The following LRP2 variants were observed in gnomAD, a reference collection of about 807,000 sequenced individuals.
The protein encoded by LRP2 is low-density lipoprotein receptor-related protein 2.
In LRP2, 172 loss-of-function variants were observed where a neutral mutation model predicts 531.0. That is an observed-to-expected ratio of 0.32 (90% CI 0.29 to 0.37). The LOEUF is 0.37. LRP2 is among the 10% of genes least tolerant of loss of function. LRP2 has a pLI of 1.00. For synonymous variants in LRP2, 1,992 were observed against 2,027.6 expected, an observed-to-expected ratio of 0.98 and a Z score of 0.47; for missense variants, 5,167 against 5,868.3, an observed-to-expected ratio of 0.88 and a Z score of 3.90.
chr2:169,213,691 T>C lies in LRP2; in HGVS notation c.6006A>G (p.Pro2002=). ...GATAAACTTGAAGACCCCTCAGATT[T>C]GGAACATTATCTCTCAAGACTATTT... ...ANKIVLRDNV[P]NLRGLQVYHR... is the part of the protein sequence containing the mutation. Residue 2002 remains proline, a synonymous_variant, in exon 36 of 79, where the codon CCA becomes CCG. Transcript: ENST00000649046. 2 of 1,613,526 alleles carry C rather than the reference T, an allele frequency of 1.2e-6. No individual in the cohort carries two copies. Among genetic ancestry groups the C allele is most frequent in the Non-Finnish European group, 1.7e-6 (2 of 1,179,808 alleles).
intron 19 of LRP2, among the ~76,000 whole-genome samples, chr2:169,255,097 T>C (rs1690250838): frequency 6.6e-6 from 1 of 152,162 alleles, no homozygotes; most frequent in Non-Finnish European, 1.5e-5. Flanking sequence ...TCTAGTCTTT[T>C]CAAGCACTGT....
intron 6 of LRP2, among the ~76,000 whole-genome samples, chr2:169,292,872 G>A (rs1447032822): frequency 6.6e-6 from 1 of 150,760 alleles, no homozygotes; most frequent in East Asian, 1.9e-4. Context: ...AAAACAAGAT[G>A]GTTTGCAATG....
At chr2:169,287,561 C>A (rs1683890925) in intron 9 of LRP2, among the ~76,000 whole-genome samples, 1 of 151,968 alleles carries the variant, frequency 6.6e-6, no homozygotes. Flanking sequence ...CAGACTTTCT[C>A]AAGAATTTCA....
In LRP2 at chr2:169,259,162, A is replaced by G. The variant is rs33954745; in HGVS notation, c.2376T>C (p.Asp792=). ...RVENVESLAF[D]WISKNLYWTD... Reference sequence around the variant, plus strand: ...TCCAATAGAGATTCTTTGAAATCCAATCAAAAGCCAAACTTTCAACATTTT... The same window carrying G: ...TCCAATAGAGATTCTTTGAAATCCAGTCAAAAGCCAAACTTTCAACATTTT... The change falls in exon 17 of 79, where the codon GAT becomes GAC. Residue 792 remains aspartate (D), a synonymous_variant. Transcript: ENST00000649046. 0.077 allele frequency: 124,099 copies of G among 1,613,034 alleles called. 5,266 individuals are homozygous for G. The highest frequency in any genetic ancestry group is 0.14 in the African/African-American group (10,120 of 74,934).
At chr2:169,183,697 A>G (rs1687522515) in intron 50 of LRP2, among the ~76,000 whole-genome samples, 1 of 152,230 alleles carries the variant, frequency 6.6e-6, no homozygotes, top group African/African-American at 2.4e-5. Flanking sequence ...TGGAGAAGAT[A>G]TTCCGTCTCC....
chr2:169,271,567 A>C (rs1683414506), intron 15 of LRP2: 1 of 198,436 alleles, frequency 5.0e-6, no homozygotes, highest in Non-Finnish European at 9.0e-6. Context: ...ACTGAGTTTT[A>C]ATTATCAAGT....
intron 1 of LRP2, among the ~76,000 whole-genome samples, chr2:169,349,610 T>C (rs1368489247): frequency 6.6e-6 from 1 of 152,214 alleles, no homozygotes; most frequent in African/African-American, 2.4e-5. Context: ...ACTTTCTTCC[T>C]GCAATCAGCT....
In LRP2 at chr2:169,207,176, G is replaced by A. The variant is rs765135348; in HGVS notation, c.6544C>T (p.Arg2182Cys). The change falls in exon 39 of 79, where the codon CGT becomes TGT. Residue 2182 changes from arginine to cysteine, a missense_variant. By Grantham distance (180) the Arg-to-Cys change is radical (BLOSUM62 -3). This residue lies in a region of LRP2 where 2,811 missense variants were observed against 3,058.0 expected (regional missense o/e 0.92). Coordinates refer to ENST00000649046, the MANE Select transcript of LRP2 (RefSeq NM_004525.3). ...EVLRINTTYR[R>C]VLLKVTVDMP... is the part of the protein sequence containing the mutation. ...TCCACTGTGACTTTAAGAAGAACAC[G>A]GCGGTAAGTAGTATTGATCCGCAGA... is the stretch of plus-strand genomic sequence containing the variant. The A allele has an allele frequency of 8.7e-6, 14 of 1,613,758 alleles. No individual in the cohort carries two copies. The East Asian group carries it at 1.1e-4, about 13-fold the overall frequency.
At chr2:169,209,704 G>T in intron 37 of LRP2, 63 bp from the exon 38 acceptor site, 1 of 1,486,486 alleles carries the variant, frequency 6.7e-7, no homozygotes, top group Non-Finnish European at 9.3e-7. Flanking sequence ...TTAAATGTCT[G>T]CCCTTCCTCT....
chr2:169,200,590 T>C (rs1688171941), intron 44 of LRP2, among the ~76,000 whole-genome samples: 1 of 152,096 alleles, frequency 6.6e-6, no homozygotes, highest in Non-Finnish European at 1.5e-5. Context: ...TACATGAAGA[T>C]CAAAGAGTTC....
intron 31 of LRP2, among the ~76,000 whole-genome samples, chr2:169,228,423 T>G (rs985099535): frequency 6.6e-6 from 1 of 152,182 alleles, no homozygotes; most frequent in African/African-American, 2.4e-5. Flanking sequence ...ACTGGCTCAG[T>G]AGAAACTATC....
At chr2:169,264,936 T>C (rs1489423717) in intron 16 of LRP2, among the ~76,000 whole-genome samples, 1 of 152,014 alleles carries the variant, frequency 6.6e-6, no homozygotes, top group Non-Finnish European at 1.5e-5. Context: ...AGAACTGAGA[T>C]GGATGTGGAA....
chr2:169,356,780 C>G (rs1297626882), intron 1 of LRP2, among the ~76,000 whole-genome samples: 1 of 152,184 alleles, frequency 6.6e-6, no homozygotes, highest in Admixed American at 6.5e-5. Context: ...AAGAAGCATC[C>G]CAGAACTCGG....
At position 169,205,547 on chromosome 2, in the gene LRP2, A is replaced by T. The variant is rs1285565147; in HGVS notation, c.7647T>A (p.Ser2549Arg). 2 of 1,614,006 alleles carry T rather than the reference A, an allele frequency of 1.2e-6. No individual in the cohort carries two copies. Among genetic ancestry groups the T allele is most frequent in the Admixed American group, 3.3e-5 (2 of 60,004 alleles). Reference sequence around the variant, plus strand: ...GAGTCAGCCCACTGGGCATGACCAGACTGCTGTTCACAATGGGTACGCGGA... The same window carrying T: ...GAGTCAGCCCACTGGGCATGACCAGTCTGCTGTTCACAATGGGTACGCGGA... ...GNFRVPIVNS[S>R]LVMPSGLTLD... Residue 2549 changes from serine to arginine, a missense_variant, in exon 41 of 79, where the codon AGT becomes AGA. Transcript: ENST00000649046.
At chr2:169,143,522 T>G (rs1233531836) in intron 70 of LRP2, among the ~76,000 whole-genome samples, 1 of 152,006 alleles carries the variant, frequency 6.6e-6, no homozygotes, top group Non-Finnish European at 1.5e-5. Flanking sequence ...GGCGGGCACC[T>G]GTAGTCCCAG....
chr2:169,192,394 G>A (rs182490126), intron 47 of LRP2, among the ~76,000 whole-genome samples: 1 of 152,158 alleles, frequency 6.6e-6, no homozygotes, highest in Admixed American at 6.5e-5. Flanking sequence ...AGTTTACAAA[G>A]TATAATCACA....
intron 50 of LRP2, 102 bp from the exon 51 acceptor site, chr2:169,182,421 G>T: frequency 6.3e-7 from 1 of 1,591,480 alleles, no homozygotes; most frequent in Non-Finnish European, 8.5e-7. Context: ...ATCACAGACA[G>T]TTGTTAGAAG....
At position 169,137,434 on chromosome 2, in the gene LRP2, G is replaced by A; in HGVS notation, c.13578C>T (p.Tyr4526=). 1.2e-6 allele frequency: 2 copies of A among 1,614,070 alleles called. No homozygotes were observed. Among genetic ancestry groups the A allele is most frequent in the Non-Finnish European group, 1.7e-6 (2 of 1,179,948 alleles). Residue 4526 remains tyrosine (Y), a synonymous_variant, in exon 76 of 79, where the codon TAC becomes TAT. Coordinates refer to ENST00000649046, the MANE Select transcript of LRP2 (RefSeq NM_004525.3). ...CTTTGACAGCACTGTCTCTGGCTGAGTACATTGGGTTTTCAAATATTATGG... is the reference window on the plus strand; with the variant it reads ...CTTTGACAGCACTGTCTCTGGCTGAATACATTGGGTTTTCAAATATTATGG... ...KQPIIFENPM[Y]SARDSAVKVV... is the part of the protein sequence containing the mutation.
At chr2:169,295,421 C>T (rs1205420106) in intron 4 of LRP2, among the ~76,000 whole-genome samples, 1 of 152,224 alleles carries the variant, frequency 6.6e-6, no homozygotes, top group African/African-American at 2.4e-5. Context: ...GACCACCTCA[C>T]TGCTACTCAC....
Sources: allele counts gnomAD v4.1 joint callset (sites outside exome capture counted in the v4.1 genomes callset), GRCh38; gene constraint gnomAD v4.1.1; regional missense constraint gnomAD v4.1.1; transcripts MANE v1.5; gene names NCBI Gene and HGNC (gene_info 2026-07-23, HGNC 2026-07-21).